Variants in BCAR3 observed in about 807,000 individuals in gnomAD.
The protein encoded by BCAR3 is BCAR3 adaptor protein, NSP family member.
Under a neutral mutation model 80.1 loss-of-function variants are expected in BCAR3, and 37 were observed. The observed-to-expected ratio is 0.46, with a 90% CI of 0.36 to 0.61. The LOEUF (loss-of-function observed/expected upper bound fraction) is 0.61, where lower values mean the gene tolerates loss of function less well. BCAR3 is among the 20% of genes least tolerant of loss of function. BCAR3 has a pLI of 0.00. For synonymous variants in BCAR3, 389 were observed against 418.9 expected, an observed-to-expected ratio of 0.93 and a Z score of 0.87; for missense variants, 978 against 1,068.2, an observed-to-expected ratio of 0.92 and a Z score of 1.18.
intron 2 of BCAR3, among the ~76,000 whole-genome samples, chr1:93,811,896 C>T (rs2100805058): frequency 6.6e-6 from 1 of 152,264 alleles, no homozygotes; most frequent in East Asian, 1.9e-4. Flanking sequence ...TGAAATCGGC[C>T]ATTATGAGAG....
At chr1:93,654,674 T>C (rs567288493) in intron 2 of BCAR3, among the ~76,000 whole-genome samples, 15 of 152,360 alleles carry the variant, frequency 9.8e-5, no homozygotes, top group Non-Finnish European at 1.2e-4. Context: ...TACTGACTTT[T>C]TCTTCCTGTT....
intron 11 of BCAR3, 136 bp from the exon 12 acceptor site, chr1:93,562,555 A>T: frequency 3.1e-6 from 2 of 649,238 alleles, no homozygotes; most frequent in Non-Finnish European, 5.0e-6. Context: ...GGATCACAAG[A>T]TCAGGAGATC....
chr1:93,632,279 A>T (rs1270697647), intron 3 of BCAR3, among the ~76,000 whole-genome samples: 1 of 152,214 alleles, frequency 6.6e-6, no homozygotes, highest in Non-Finnish European at 1.5e-5. Context: ...AGGGTCAGAA[A>T]ACTCTGTAAA....
intron 2 of BCAR3, among the ~76,000 whole-genome samples, chr1:93,654,904 T>C (rs1369661615): frequency 6.6e-6 from 1 of 152,216 alleles, no homozygotes; most frequent in Non-Finnish European, 1.5e-5. Context: ...TTTTCCATCA[T>C]ACCTGATATT....
Position 93,633,989 on chromosome 1 carries a change from A to G in BCAR3, c.357+8315T>C, listed in dbSNP as rs186273585. Among the ~76,000 whole-genome samples, 505 of 152,324 alleles carry G rather than the reference A, an allele frequency of 3.3e-3. 8 individuals are homozygous for G. Among genetic ancestry groups the G allele is most frequent in the African/African-American group, 0.012 (494 of 41,584 alleles). On this transcript the variant is annotated intron_variant, in intron 3 of 11. Transcript: ENST00000260502. ...GCATTCAGCAAAAGTCACCCTTTTC[A>G]GTACAATTCCATGAGCACTGACAGC... is the stretch of plus-strand genomic sequence containing the variant.
chr1:93,745,955 A>G (rs1179402315), intron 2 of BCAR3, among the ~76,000 whole-genome samples: 2 of 152,256 alleles, frequency 1.3e-5, no homozygotes, highest in African/African-American at 4.8e-5. Flanking sequence ...GAAAGTGCTT[A>G]GAACTCTTCA....
At chr1:93,745,259 G>A (rs912076636) in intron 2 of BCAR3, among the ~76,000 whole-genome samples, 1 of 152,190 alleles carries the variant, frequency 6.6e-6, no homozygotes, top group Non-Finnish European at 1.5e-5. Context: ...GTGCAGATGG[G>A]AGTTGGCAGT....
intron 2 of BCAR3, among the ~76,000 whole-genome samples, chr1:93,789,213 C>T (rs1435240807): frequency 6.6e-6 from 1 of 152,164 alleles, no homozygotes; most frequent in African/African-American, 2.4e-5. Context: ...TGGCTTCAAG[C>T]AATCCTCCCT....
chr1:93,623,863 CAACATG>C (rs1675383752), intron 3 of BCAR3, among the ~76,000 whole-genome samples: 1 of 152,086 alleles, frequency 6.6e-6, no homozygotes, highest in Non-Finnish European at 1.5e-5. Context: ...TACAAGGAGC[CAACATG>C]AACTGATGTT....
chr1:93,816,670 CAAAAAAAA>C (rs60051218), intron 2 of BCAR3, among the ~76,000 whole-genome samples: 111 of 53,906 alleles, frequency 2.1e-3, no homozygotes, highest in African/African-American at 6.2e-3. Context: ...GACTCCATCT[CAAAAAAAA>C]AAAAAAAAAA....
intron 2 of BCAR3, among the ~76,000 whole-genome samples, chr1:93,778,827 TC>T (rs1195531342): frequency 9.2e-5 from 14 of 152,284 alleles, no homozygotes; most frequent in Middle Eastern, 6.8e-3. Context: ...AGGTAGCACC[TC>T]CCCTGTTGTG....
At chr1:93,821,366 A>T (rs868850322) in intron 2 of BCAR3, among the ~76,000 whole-genome samples, 4 of 152,206 alleles carry the variant, frequency 2.6e-5, no homozygotes, top group Non-Finnish European at 4.4e-5. Context: ...GAGCTCTGTG[A>T]AACTGTGGGT....
At chr1:93,724,213 A>C (rs1482800451) in intron 2 of BCAR3, among the ~76,000 whole-genome samples, 1 of 152,202 alleles carries the variant, frequency 6.6e-6, no homozygotes, top group East Asian at 1.9e-4. Flanking sequence ...CAGAGTTAGG[A>C]TGCCAGCGCT....
chr1:93,674,368 G>A (rs1648361578), intron 2 of BCAR3, among the ~76,000 whole-genome samples: 1 of 152,164 alleles, frequency 6.6e-6, no homozygotes, highest in South Asian at 2.1e-4. Flanking sequence ...TGATTCTCCT[G>A]CCTTAGCCTC....
At chr1:93,655,690 T>A (rs1647351594) in intron 2 of BCAR3, among the ~76,000 whole-genome samples, 1 of 152,258 alleles carries the variant, frequency 6.6e-6, no homozygotes, top group Non-Finnish European at 1.5e-5. Flanking sequence ...AGTGCACATA[T>A]GACTGCTGCC....
chr1:93,728,234 C>T (rs1231458490), intron 2 of BCAR3, among the ~76,000 whole-genome samples: 1 of 152,210 alleles, frequency 6.6e-6, no homozygotes, highest in Non-Finnish European at 1.5e-5. Context: ...CCTCGCAGGG[C>T]GTGTGACAGG....
At chr1:93,847,018 CGGCGGCCGGG>C in intron 1 of BCAR3, 2 of 133,346 alleles carry the variant, frequency 1.5e-5, no homozygotes, top group South Asian at 7.4e-5. Flanking sequence ...GGGTCGGGCG[CGGCGGCCGGG>C]CGCGAGGGAA....
At chr1:93,715,243 C>A (rs1466276841) in intron 2 of BCAR3, among the ~76,000 whole-genome samples, 1 of 152,170 alleles carries the variant, frequency 6.6e-6, no homozygotes, top group East Asian at 1.9e-4. Flanking sequence ...TACCTACTTT[C>A]TTTTCTTGTT....
At chr1:93,617,289 T>C (rs1263327645) in intron 3 of BCAR3, among the ~76,000 whole-genome samples, 1 of 152,306 alleles carries the variant, frequency 6.6e-6, no homozygotes, top group Middle Eastern at 3.4e-3. Context: ...CAACAGGGCA[T>C]GGAGGGAGAT....
Sources: gnomAD v4.1 joint callset for allele counts (sites outside exome capture counted in the v4.1 genomes callset) on GRCh38, gnomAD v4.1.1 for gene constraint, MANE v1.5 for transcripts, NCBI Gene and HGNC (gene_info 2026-07-23, HGNC 2026-07-21) for gene names.